The following CEACAM21 variants were observed in gnomAD, a reference collection of about 807,000 sequenced individuals.
CEACAM21 encodes cell adhesion molecule CEACAM21.
A neutral mutation model predicts 33.2 loss-of-function variants in CEACAM21; 38 were observed. The observed-to-expected ratio is 1.14, with a 90% CI of 0.88 to 1.50. The LOEUF (loss-of-function observed/expected upper bound fraction) is 1.50, where lower values mean the gene tolerates loss of function less well. CEACAM21 is among the 40% of genes most tolerant of loss of function. CEACAM21 has a pLI of 0.00. For synonymous variants in CEACAM21, 156 were observed against 143.0 expected, an observed-to-expected ratio of 1.09 and a Z score of -0.65; for missense variants, 385 against 364.6, an observed-to-expected ratio of 1.06 and a Z score of -0.46.
At chr19:41,554,285 A>G (rs1178825184) in intron 1 of CEACAM21, among the ~76,000 whole-genome samples, 1 of 152,066 alleles carries the variant, frequency 6.6e-6, no homozygotes, top group African/African-American at 2.4e-5. Flanking sequence ...TTTATAGCTG[A>G]TTATAAAATT....
intron 1 of CEACAM21, 101 bp from the exon 2 acceptor site, chr19:41,577,098 CA>C: frequency 2.3e-6 from 3 of 1,328,566 alleles, no homozygotes; most frequent in East Asian, 2.4e-5. Flanking sequence ...CACACACACA[CA>C]CCCTCTAAGG....
At chr19:41,583,801 G>T (rs1004152827) in intron 3 of CEACAM21, among the ~76,000 whole-genome samples, 1 of 152,212 alleles carries the variant, frequency 6.6e-6, no homozygotes, top group Non-Finnish European at 1.5e-5. Context: ...GGTGAGATTT[G>T]GGTGGGGATA....
intron 2 of CEACAM21, among the ~76,000 whole-genome samples, chr19:41,577,964 C>G (rs2043078565): frequency 6.6e-6 from 1 of 152,210 alleles, no homozygotes; most frequent in Admixed American, 6.5e-5. Flanking sequence ...GATCCTGACT[C>G]CAGATGACCC....
At chr19:41,585,962 A>C (rs2070707435) in intron 6 of CEACAM21, 91 bp downstream of exon 6, 3 of 1,332,210 alleles carry the variant, frequency 2.3e-6, no homozygotes, top group Admixed American at 3.8e-5. Context: ...GCACAAACCC[A>C]CCCTACCCAG....
upstream of CEACAM21, among the ~76,000 whole-genome samples, chr19:41,571,931 G>A (rs2042638555): frequency 6.6e-6 from 1 of 151,060 alleles, no homozygotes; most frequent in African/African-American, 2.4e-5. Flanking sequence ...TTAAGTTACT[G>A]ACTTTAAAGC....
intron 4 of CEACAM21, 33 bp from the exon 5 acceptor site, chr19:41,585,410 T>G (rs1568623846): frequency 1.2e-6 from 2 of 1,613,042 alleles, no homozygotes; most frequent in Non-Finnish European, 8.5e-7. Flanking sequence ...CTTTTAACCT[T>G]GCACCTTCAC....
At chr19:41,583,948 G>T (rs1413835683) in intron 3 of CEACAM21, among the ~76,000 whole-genome samples, 1 of 152,160 alleles carries the variant, frequency 6.6e-6, no homozygotes, top group African/African-American at 2.4e-5. Context: ...CATGTGGAAG[G>T]CCCCTGAAAA....
At chr19:41,574,367 ATGTT>A (rs1168838392), upstream of CEACAM21, among the ~76,000 whole-genome samples, 3 of 152,264 alleles carry the variant, frequency 2.0e-5, no homozygotes, top group African/African-American at 7.2e-5. Context: ...AAAGTTAAAA[ATGTT>A]TGTGCTTCAA....
intron 2 of CEACAM21, among the ~76,000 whole-genome samples, chr19:41,568,718 T>A (rs960988420): frequency 6.6e-6 from 1 of 152,250 alleles, no homozygotes; most frequent in South Asian, 2.1e-4. Flanking sequence ...TGTCAGGAAG[T>A]GTAATGCCAC....
At chr19:41,562,502 T>G (rs143073719) in intron 1 of CEACAM21, among the ~76,000 whole-genome samples, 1 of 152,100 alleles carries the variant, frequency 6.6e-6, no homozygotes, top group Non-Finnish European at 1.5e-5. Context: ...TAAAGAGGTA[T>G]GTCCACCATG....
chr19:41,570,699 C>G (rs555875566), intron 2 of CEACAM21, among the ~76,000 whole-genome samples: 1 of 152,188 alleles, frequency 6.6e-6, no homozygotes, highest in Non-Finnish European at 1.5e-5. Flanking sequence ...GAGCTGCTCC[C>G]TGAGCAAATC....
chr19:41,585,143 G>A (rs1164807910), intron 4 of CEACAM21, among the ~76,000 whole-genome samples: 1 of 152,066 alleles, frequency 6.6e-6, no homozygotes, highest in Non-Finnish European at 1.5e-5. Flanking sequence ...TTCCTCTCAG[G>A]CAACCCCTGG....
chr19:41,571,032 G>T (rs569860194), intron 2 of CEACAM21, among the ~76,000 whole-genome samples: 110 of 152,192 alleles, frequency 7.2e-4, no homozygotes, highest in African/African-American at 2.5e-3. Context: ...CATTTGGGTG[G>T]TCAAACTGGT....
chr19:41,570,024 G>A (rs1451718857), intron 2 of CEACAM21, among the ~76,000 whole-genome samples: 1 of 152,164 alleles, frequency 6.6e-6, no homozygotes, highest in Non-Finnish European at 1.5e-5. Context: ...AGCCTAGAGC[G>A]GGCCCCACAG....
chr19:41,556,485 C>T lies in CEACAM21; in HGVS notation c.-779+6933C>T, dbSNP rs376822553. 5.9e-5 allele frequency among the ~76,000 whole-genome samples: 9 copies of T among 152,266 alleles called. No individual in the cohort carries two copies. In the South Asian group the frequency reaches 1.5e-3, roughly 25 times the overall value. ...ATTAAATATTAGCTTTTCATGAAGC[C>T]GACTTCTGACCATAGAGCTCTTTGA... is the stretch of plus-strand genomic sequence containing the variant. On this transcript the variant is annotated intron_variant, in intron 1 of 7. Transcript: ENST00000407170.
chr19:41,586,529 G>C lies in CEACAM21; in HGVS notation c.*66G>C. 2 of 633,030 alleles carry C rather than the reference G, an allele frequency of 3.2e-6. No homozygotes were observed. Among genetic ancestry groups the C allele is most frequent in the Admixed American group, 3.7e-5 (2 of 54,526 alleles). 39.2% of individuals were successfully genotyped at this position (633,030 alleles called of 1,614,324 possible). Reference sequence around the variant, plus strand: ...ACCACAAAGCAGATGTGGCTTCTTAGGTTCCTCTGGGAGCTGCTCCTGTGG... The same window carrying C: ...ACCACAAAGCAGATGTGGCTTCTTACGTTCCTCTGGGAGCTGCTCCTGTGG... On this transcript the variant is annotated 3_prime_UTR_variant, in exon 7 of 7. Transcript: ENST00000401445.
chr19:41,586,730 A>C lies in CEACAM21; in HGVS notation c.*267A>C. 1 of 374,490 alleles carries C rather than the reference A, an allele frequency of 2.7e-6. No homozygotes were observed. Among genetic ancestry groups the C allele is most frequent in the South Asian group, 2.2e-5 (1 of 45,408 alleles). The allele number at this position is 374,490 out of a possible 1,614,324, so 23.2% of individuals were successfully genotyped here. On this transcript the variant is annotated 3_prime_UTR_variant, in exon 7 of 7. Transcript: ENST00000401445. ...ACTGCCCCGGGCTCTGGGTGGGCCA[A>C]GGCGAAGGCTTCCCATCACCACAGG...
intron 2 of CEACAM21, among the ~76,000 whole-genome samples, chr19:41,578,221 G>T (rs1555792063): frequency 2.0e-5 from 3 of 152,006 alleles, no homozygotes; most frequent in African/African-American, 7.2e-5. Flanking sequence ...CCCGGGAAGT[G>T]CACTGTCCTC....
At chr19:41,585,610 G>T (rs1234300952) in intron 5 of CEACAM21, 115 bp downstream of exon 5, 3 of 1,252,954 alleles carry the variant, frequency 2.4e-6, no homozygotes, top group African/African-American at 3.0e-5. Context: ...CTGCAAAGAG[G>T]ATCCCATAAA....
Sources: allele counts gnomAD v4.1 joint callset (sites outside exome capture counted in the v4.1 genomes callset), GRCh38; gene constraint gnomAD v4.1.1; transcripts MANE v1.5; gene names NCBI Gene and HGNC (gene_info 2026-07-23, HGNC 2026-07-21).